BORCS5: variants seen among roughly 807,000 people sequenced by gnomAD.
The protein encoded by BORCS5 is BLOC-1 related complex subunit 5, also known as BLOC-1-related complex subunit 5.
In BORCS5, 17 loss-of-function variants were observed where a neutral mutation model predicts 22.1. The ratio of observed to expected loss-of-function variants is 0.77; its 90% CI spans 0.53 to 1.15. The LOEUF (loss-of-function observed/expected upper bound fraction) is 1.15, where lower values mean the gene tolerates loss of function less well. Among genes scored for constraint, BORCS5 ranks in the 50% most tolerant of loss-of-function variants. The probability of loss-of-function intolerance (pLI) is 0.00; values close to 1 mark genes in which losing one functional copy is unlikely to be tolerated. For missense variants in BORCS5, 247 were observed against 253.2 expected (o/e 0.98, Z 0.17); for synonymous variants, 117 against 99.8 (o/e 1.17, Z -1.03).
At chr12:12,442,535 T>A (rs775276896) in intron 3 of BORCS5, among the ~76,000 whole-genome samples, 1 of 152,168 alleles carries the variant, frequency 6.6e-6, no homozygotes, top group South Asian at 2.1e-4. Context: ...GATGAACTGG[T>A]AAGAAAAACT....
chr12:12,359,175 C>T lies in BORCS5; in HGVS notation c.58+1666C>T, dbSNP rs556971831. Reference sequence around the variant, plus strand: ...CTCCCAAGGAACCTGAATTGATCTCCCTCTTTGTCCTCCAAATTTCTGATT... The same window carrying T: ...CTCCCAAGGAACCTGAATTGATCTCTCTCTTTGTCCTCCAAATTTCTGATT... On this transcript the variant is annotated intron_variant, in intron 1 of 3. Transcript: ENST00000314565. Among the ~76,000 whole-genome samples, 30 of 152,152 alleles carry T rather than the reference C, an allele frequency of 2.0e-4. 1 individual carries two copies. Among genetic ancestry groups the T allele is most frequent in the Admixed American group, 2.0e-3 (30 of 15,280 alleles).
chr12:12,469,239 C>T lies in BORCS5; in HGVS notation c.*3463C>T, dbSNP rs941957577. ...GGCATGGTGGCTGGTGCCTGTAATC[C>T]CCGCTACTTGGGAGGCCAAGGTGGG... On this transcript the variant is annotated 3_prime_UTR_variant, in exon 4 of 4. Coordinates refer to ENST00000314565, the MANE Select transcript of BORCS5 (RefSeq NM_058169.6). 6.6e-6 allele frequency: 1 copy of T among 152,198 alleles called. No homozygotes were observed. Among genetic ancestry groups the T allele is most frequent in the Non-Finnish European group, 1.5e-5 (1 of 68,078 alleles). 9.4% of individuals were successfully genotyped at this position (152,198 alleles called of 1,614,324 possible).
chr12:12,366,768 TTGG>T (rs1189226333), intron 2 of BORCS5, among the ~76,000 whole-genome samples: 1 of 152,170 alleles, frequency 6.6e-6, no homozygotes, highest in Non-Finnish European at 1.5e-5. Flanking sequence ...AGTAATATGG[TTGG>T]TGTTTTATAT....
intron 3 of BORCS5, among the ~76,000 whole-genome samples, chr12:12,437,345 T>C (rs1035543257): frequency 6.6e-6 from 1 of 152,252 alleles, no homozygotes; most frequent in African/African-American, 2.4e-5. Flanking sequence ...TCCCCAGCCA[T>C]GTGGAACTGT....
chr12:12,449,411 CTGCCATCAA>C (rs1942860900), intron 3 of BORCS5, among the ~76,000 whole-genome samples: 1 of 152,138 alleles, frequency 6.6e-6, no homozygotes, highest in Non-Finnish European at 1.5e-5. Flanking sequence ...TCCTGGTTTG[CTGCCATCAA>C]TGCCATTTGC....
At chr12:12,428,791 A>G (rs1334015309) in intron 2 of BORCS5, among the ~76,000 whole-genome samples, 1 of 152,178 alleles carries the variant, frequency 6.6e-6, no homozygotes, top group Non-Finnish European at 1.5e-5. Flanking sequence ...AGATATGACA[A>G]AATATTAGTT....
At chr12:12,369,195 A>AAT (rs1565832530) in intron 2 of BORCS5, among the ~76,000 whole-genome samples, 1 of 152,122 alleles carries the variant, frequency 6.6e-6, no homozygotes. Flanking sequence ...ATGTGTTATT[A>AAT]CCCCTGTCTT....
chr12:12,392,943 G>T (rs780374351), intron 2 of BORCS5, among the ~76,000 whole-genome samples: 3 of 151,988 alleles, frequency 2.0e-5, no homozygotes, highest in African/African-American at 4.8e-5. Flanking sequence ...CATAAAAAAA[G>T]GTCGGCCAGG....
At chr12:12,420,718 C>T (rs895317400) in intron 2 of BORCS5, among the ~76,000 whole-genome samples, 3 of 151,974 alleles carry the variant, frequency 2.0e-5, no homozygotes, top group Non-Finnish European at 4.4e-5. Flanking sequence ...TCTTTTATCT[C>T]GTTATTTCAT....
At chr12:12,371,109 A>G (rs1345260810) in intron 2 of BORCS5, among the ~76,000 whole-genome samples, 2 of 152,114 alleles carry the variant, frequency 1.3e-5, no homozygotes, top group South Asian at 2.1e-4. Context: ...TTCTGGCACA[A>G]TATAATGTTC....
chr12:12,426,561 G>T (rs1302453074), intron 2 of BORCS5, among the ~76,000 whole-genome samples: 1 of 152,192 alleles, frequency 6.6e-6, no homozygotes. Flanking sequence ...ATGGCCAAAT[G>T]GGTGCCTAAC....
chr12:12,365,975 G>A (rs7137800), intron 2 of BORCS5, among the ~76,000 whole-genome samples: 39,827 of 152,114 alleles, frequency 0.26, 6,468 homozygotes, highest in Non-Finnish European at 0.35. Context: ...GTTTTGAGGT[G>A]CAGCATTTGT....
At chr12:12,394,647 T>A (rs1241510431) in intron 2 of BORCS5, among the ~76,000 whole-genome samples, 1 of 152,024 alleles carries the variant, frequency 6.6e-6, no homozygotes, top group Non-Finnish European at 1.5e-5. Flanking sequence ...TACAGATGTA[T>A]TCCATCTTGC....
intron 2 of BORCS5, among the ~76,000 whole-genome samples, chr12:12,431,233 T>C (rs1378383072): frequency 6.6e-6 from 1 of 152,204 alleles, no homozygotes; most frequent in East Asian, 1.9e-4. Flanking sequence ...TTTTTCATGC[T>C]TTTCGTTTTT....
chr12:12,396,112 C>A (rs899037000), intron 2 of BORCS5, among the ~76,000 whole-genome samples: 1 of 152,018 alleles, frequency 6.6e-6, no homozygotes, highest in Non-Finnish European at 1.5e-5. Flanking sequence ...CTCAGCCTCC[C>A]GTGTAGCTGA....
Position 12,435,633 on chromosome 12 carries a change from T to C in BORCS5, c.208T>C (p.Leu70=), listed in dbSNP as rs753851950. The C allele has an allele frequency of 3.1e-6, 5 of 1,613,460 alleles. No homozygotes were observed. Among genetic ancestry groups the C allele is most frequent in the Non-Finnish European group, 4.2e-6 (5 of 1,179,748 alleles). The change falls in exon 3 of 4, where the codon TTG becomes CTG. Residue 70 remains leucine, a synonymous_variant. Coordinates refer to ENST00000314565, the MANE Select transcript of BORCS5 (RefSeq NM_058169.6). The part of the protein sequence containing the change: ...PTFQPLLKGL[L]SGQTSPTNAK... Reference sequence around the variant, plus strand: ...CATTTTTTTCTCCTTTGAAGGGCTATTGAGTGGCCAGACTTCCCCAACAAA... The same window carrying C: ...CATTTTTTTCTCCTTTGAAGGGCTACTGAGTGGCCAGACTTCCCCAACAAA...
chr12:12,411,066 A>T (rs1224152194), intron 2 of BORCS5, among the ~76,000 whole-genome samples: 1 of 152,158 alleles, frequency 6.6e-6, no homozygotes, highest in African/African-American at 2.4e-5. Context: ...ATTTTTGCAC[A>T]TGGATTTTGT....
At chr12:12,422,581 A>G (rs1741331457) in intron 2 of BORCS5, among the ~76,000 whole-genome samples, 2 of 152,130 alleles carry the variant, frequency 1.3e-5, no homozygotes, top group Admixed American at 1.3e-4. Context: ...AGCCTGGGTA[A>G]CAGAGTGAGT....
In BORCS5 at chr12:12,467,312, G is replaced by A. The variant is rs1353523061; in HGVS notation, c.*1536G>A. The stretch of plus-strand genomic sequence containing the variant: ...TTTACAGAGCTACAAAAATAGCTTA[G>A]GTGCCATTATCCTCACTGCACTTAA... On this transcript the variant is annotated 3_prime_UTR_variant, in exon 4 of 4. Coordinates refer to ENST00000314565, the MANE Select transcript of BORCS5 (RefSeq NM_058169.6). The A allele has an allele frequency of 1.3e-5, 2 of 152,212 alleles. No individual in the cohort carries two copies. The highest frequency in any genetic ancestry group is 1.3e-4 in the Admixed American group (2 of 15,276). 9.4% of individuals were successfully genotyped at this position (152,212 alleles called of 1,614,324 possible). A position where few individuals can be genotyped will look rare whatever the true frequency, so the allele number is the denominator to read the frequency against.
Sources: gnomAD v4.1 joint callset for allele counts (sites outside exome capture counted in the v4.1 genomes callset) on GRCh38, gnomAD v4.1.1 for gene constraint, MANE v1.5 for transcripts, NCBI Gene and HGNC (gene_info 2026-07-23, HGNC 2026-07-21) for gene names.